Variants in FRMD5 observed in about 807,000 individuals in gnomAD.
The protein encoded by FRMD5 is FERM domain containing 5, also known as FERM domain-containing protein 5.
FRMD5 carries 20 observed loss-of-function variants against 69.0 expected under a neutral mutation model. The ratio of observed to expected loss-of-function variants is 0.29; its 90% CI spans 0.20 to 0.42. FRMD5 has a LOEUF of 0.42. Ranked by LOEUF, FRMD5 falls within the 10% of genes least tolerant of loss-of-function variation. FRMD5 has a pLI of 1.00. For synonymous variants in FRMD5, 271 were observed against 260.1 expected, an observed-to-expected ratio of 1.04 and a Z score of -0.40; for missense variants, 595 against 708.6, an observed-to-expected ratio of 0.84 and a Z score of 1.82.
intron 1 of FRMD5, among the ~76,000 whole-genome samples, chr15:44,061,445 T>C (rs1566926548): frequency 6.6e-6 from 1 of 152,214 alleles, no homozygotes; most frequent in African/African-American, 2.4e-5. Context: ...CCAAGATTAC[T>C]GCTTTTTAGC....
chr15:43,938,268 G>T (rs1408734619), intron 1 of FRMD5, among the ~76,000 whole-genome samples: 2 of 145,444 alleles, frequency 1.4e-5, no homozygotes, highest in African/African-American at 5.1e-5. Flanking sequence ...CATGTGCAAA[G>T]CATTCTACAA....
chr15:43,887,960 G>A (rs888368045), intron 10 of FRMD5, among the ~76,000 whole-genome samples: 6 of 152,150 alleles, frequency 3.9e-5, no homozygotes, highest in East Asian at 1.9e-4. Context: ...TTTCTTAACC[G>A]AAGAAAACAA....
chr15:43,930,448 C>T (rs2089655265), intron 1 of FRMD5, among the ~76,000 whole-genome samples: 2 of 152,192 alleles, frequency 1.3e-5, no homozygotes, highest in South Asian at 4.1e-4. Context: ...AAGAACAGGG[C>T]CCAAGCAGGC....
chr15:43,935,944 A>G (rs905425901), intron 1 of FRMD5, among the ~76,000 whole-genome samples: 3 of 152,254 alleles, frequency 2.0e-5, no homozygotes, highest in Non-Finnish European at 4.4e-5. Flanking sequence ...TACCTGAGCT[A>G]TCTCAAGGCT....
chr15:44,011,743 G>A (rs941633338), intron 1 of FRMD5, among the ~76,000 whole-genome samples: 4 of 152,154 alleles, frequency 2.6e-5, no homozygotes, highest in South Asian at 2.1e-4. Context: ...CCCTGATGAC[G>A]CCATCAAAGA....
intron 1 of FRMD5, among the ~76,000 whole-genome samples, chr15:44,077,427 C>CA (rs1893815307): frequency 6.6e-6 from 1 of 151,644 alleles, no homozygotes. Context: ...ACTGCATTGT[C>CA]AAAAAACTAA....
At chr15:44,080,768 A>AT (rs1218916204) in intron 1 of FRMD5, among the ~76,000 whole-genome samples, 1 of 152,084 alleles carries the variant, frequency 6.6e-6, no homozygotes, top group African/African-American at 2.4e-5. Flanking sequence ...TCTTCAATAA[A>AT]TTTTTTAAAA....
intron 4 of FRMD5, among the ~76,000 whole-genome samples, chr15:43,914,649 G>T (rs1451075535): frequency 9.4e-5 from 14 of 149,386 alleles, no homozygotes; most frequent in Admixed American, 9.3e-4. Context: ...TAACAATAAA[G>T]ACTCACATTT....
intron 1 of FRMD5, among the ~76,000 whole-genome samples, chr15:44,126,889 T>C (rs751136178): frequency 2.0e-5 from 3 of 152,198 alleles, no homozygotes; most frequent in African/African-American, 7.2e-5. Context: ...CAAGAGAACG[T>C]TAAGCTAATT....
At chr15:44,167,931 CA>C (rs2077737554) in intron 1 of FRMD5, among the ~76,000 whole-genome samples, 1 of 152,214 alleles carries the variant, frequency 6.6e-6, no homozygotes, top group African/African-American at 2.4e-5. Context: ...GTCACTGAGA[CA>C]AAGTCCATAT....
chr15:44,197,125 C>T (rs953318291), upstream of FRMD5, among the ~76,000 whole-genome samples: 4 of 151,374 alleles, frequency 2.6e-5, no homozygotes, highest in African/African-American at 7.3e-5. Context: ...CGCTGGAACC[C>T]GGGAGGTAGA....
At chr15:43,973,599 C>T (rs1402834277) in intron 1 of FRMD5, among the ~76,000 whole-genome samples, 2 of 151,376 alleles carry the variant, frequency 1.3e-5, no homozygotes, top group East Asian at 3.9e-4. Context: ...AACTCCTGAC[C>T]CCAGATGATC....
intron 1 of FRMD5, among the ~76,000 whole-genome samples, chr15:44,176,056 G>A (rs1041028903): frequency 2.6e-4 from 39 of 152,180 alleles, no homozygotes; most frequent in African/African-American, 9.4e-4. Context: ...ATATGGAAAT[G>A]CAATAAACCA....
intron 1 of FRMD5, among the ~76,000 whole-genome samples, chr15:44,091,379 C>T (rs560544153): frequency 1.2e-4 from 19 of 152,128 alleles, no homozygotes; most frequent in Non-Finnish European, 1.5e-4. Context: ...CACACACACA[C>T]ACATATATAT....
At chr15:44,091,870 C>T (rs1289313226) in intron 1 of FRMD5, among the ~76,000 whole-genome samples, 7 of 152,002 alleles carry the variant, frequency 4.6e-5, no homozygotes, top group African/African-American at 1.5e-4. Flanking sequence ...CTCCCTGCTT[C>T]CCCTCAGTCA....
intron 7 of FRMD5, among the ~76,000 whole-genome samples, chr15:43,897,433 G>A (rs1481957259): frequency 7.1e-6 from 1 of 140,510 alleles, no homozygotes; most frequent in Non-Finnish European, 1.5e-5. Flanking sequence ...GTTGCAGTGA[G>A]CTGAGATTAC....
chr15:44,006,516 G>C (rs1018631575), intron 1 of FRMD5, among the ~76,000 whole-genome samples: 38 of 152,212 alleles, frequency 2.5e-4, no homozygotes, highest in African/African-American at 7.7e-4. Flanking sequence ...TGCATGAATA[G>C]TGATTCCTCT....
At chr15:43,880,986 C>G (rs114481804) in intron 13 of FRMD5, among the ~76,000 whole-genome samples, 1 of 152,210 alleles carries the variant, frequency 6.6e-6, no homozygotes, top group Non-Finnish European at 1.5e-5. Flanking sequence ...CTGTTTTCCC[C>G]GCCTCTGAGT....
chr15:44,191,414 C>T (rs1407276332), intron 1 of FRMD5, among the ~76,000 whole-genome samples: 3 of 151,888 alleles, frequency 2.0e-5, no homozygotes, highest in African/African-American at 7.3e-5. Flanking sequence ...GGTGAAACCT[C>T]GTCTCTACTA....
Sources: allele counts gnomAD v4.1 joint callset (sites outside exome capture counted in the v4.1 genomes callset), GRCh38; gene constraint gnomAD v4.1.1; transcripts MANE v1.5; gene names NCBI Gene and HGNC (gene_info 2026-07-23, HGNC 2026-07-21).